MTR: variants seen among roughly 807,000 people sequenced by gnomAD.
MTR encodes methionine synthase.
In MTR, 84 loss-of-function variants were observed where a neutral mutation model predicts 154.8. The ratio of observed to expected loss-of-function variants is 0.54; its 90% CI spans 0.45 to 0.65. The LOEUF (loss-of-function observed/expected upper bound fraction) is 0.65, where lower values mean the gene tolerates loss of function less well. MTR is among the 30% of genes least tolerant of loss of function. The pLI is 0.00. For synonymous variants in MTR, 554 were observed against 553.9 expected (o/e 1.00, Z 0.00); for missense variants, 1,275 against 1,570.2 (o/e 0.81, Z 3.18).
chr1:236,893,215 C>T (rs1666429270), intron 29 of MTR, among the ~76,000 whole-genome samples: 1 of 152,184 alleles, frequency 6.6e-6, no homozygotes, highest in Non-Finnish European at 1.5e-5. Flanking sequence ...AAAACGGCTT[C>T]CCCATGCACA....
rs1661245690 is a variant in MTR, at chr1:236,810,670, A to C, written c.502+75A>C. On this transcript the variant is annotated intron_variant, in intron 5 of 32. Transcript: ENST00000366577. The stretch of plus-strand genomic sequence containing the variant: ...GCTTCAGTAAGCTATAAATCTGTAA[A>C]ATGGAATCAATAACAGGATCTACCT... 4 of 1,226,276 alleles carry C rather than the reference A, an allele frequency of 3.3e-6. 1 individual carries two copies. In the South Asian group the frequency reaches 4.8e-5, roughly 15 times the overall value. The allele number at this position is 1,226,276 out of a possible 1,614,324, so 76.0% of individuals were successfully genotyped here. A position where few individuals can be genotyped will look rare whatever the true frequency, so the allele number is the denominator to read the frequency against.
chr1:236,898,851 A>G lies in MTR; in HGVS notation c.*1207A>G, dbSNP rs1666802447. 6.6e-6 allele frequency: 1 copy of G among 152,174 alleles called. No individual in the cohort carries two copies. The highest frequency in any genetic ancestry group is 1.5e-5 in the Non-Finnish European group (1 of 68,032). The allele number at this position is 152,174 out of a possible 1,614,324, so 9.4% of individuals were successfully genotyped here. ...ATTCCCCTCAATTCTCAATATATTC[A>G]GTAATGAAGAATGGTGCCACCACTC... is the stretch of plus-strand genomic sequence containing the variant. On this transcript the variant is annotated 3_prime_UTR_variant, in exon 33 of 33. Coordinates refer to ENST00000366577, the MANE Select transcript of MTR (RefSeq NM_000254.3).
At chr1:236,883,840 T>C (rs998229158) in intron 25 of MTR, among the ~76,000 whole-genome samples, 4 of 152,226 alleles carry the variant, frequency 2.6e-5, no homozygotes, top group African/African-American at 7.2e-5. Flanking sequence ...GTAGGCACTT[T>C]AGCCGTCATT....
At chr1:236,837,938 A>AT (rs567581267) in intron 14 of MTR, among the ~76,000 whole-genome samples, 67 of 152,282 alleles carry the variant, frequency 4.4e-4, no homozygotes, top group Non-Finnish European at 7.6e-4. Context: ...CCTTTCTAAT[A>AT]TTAAAACTCT....
At chr1:236,801,818 T>A (rs1660715079) in intron 1 of MTR, among the ~76,000 whole-genome samples, 1 of 152,192 alleles carries the variant, frequency 6.6e-6, no homozygotes, top group Non-Finnish European at 1.5e-5. Flanking sequence ...TTGAAGGTGT[T>A]TGAGCAGGGG....
intron 10 of MTR, among the ~76,000 whole-genome samples, chr1:236,826,202 G>T (rs1028965482): frequency 6.6e-6 from 1 of 152,102 alleles, no homozygotes; most frequent in Non-Finnish European, 1.5e-5. Flanking sequence ...TCTATTTTGT[G>T]TTATTTGAAA....
At position 236,886,812 on chromosome 1, in the gene MTR, G is replaced by T. The variant is rs533373801; in HGVS notation, c.2851+445G>T. Among the ~76,000 whole-genome samples, 10 of 152,280 alleles carry T rather than the reference G, an allele frequency of 6.6e-5. No homozygotes were observed. The East Asian group carries it at 7.7e-4, about 12-fold the overall frequency. Reference sequence around the variant, plus strand: ...CCTGGGTGGTACTGTCACCTGAGGTGGCCTGGGTCTTTCGCAGGCCCAGGG... The same window carrying T: ...CCTGGGTGGTACTGTCACCTGAGGTTGCCTGGGTCTTTCGCAGGCCCAGGG... On this transcript the variant is annotated intron_variant, in intron 27 of 32. Coordinates refer to ENST00000366577, the MANE Select transcript of MTR (RefSeq NM_000254.3).
At chr1:236,860,251 G>A (rs556184833) in intron 19 of MTR, among the ~76,000 whole-genome samples, 7 of 152,206 alleles carry the variant, frequency 4.6e-5, no homozygotes, top group African/African-American at 1.2e-4. Context: ...TGTTAGTAGC[G>A]CCGAGGCTGC....
At chr1:236,861,476 G>A (rs573116855) in intron 20 of MTR, among the ~76,000 whole-genome samples, 199 bp downstream of exon 20, 41 of 152,078 alleles carry the variant, frequency 2.7e-4, no homozygotes, top group Non-Finnish European at 4.4e-4. Context: ...TTGGAAATCC[G>A]AAAATTCTTA....
chr1:236,839,220 TTAGA>T (rs1663089032), intron 15 of MTR, among the ~76,000 whole-genome samples: 1 of 152,168 alleles, frequency 6.6e-6, no homozygotes, highest in South Asian at 2.1e-4. Context: ...GAAAATAAAC[TTAGA>T]TTCCCATTTC....
At chr1:236,818,511 T>A (rs1198250929) in intron 8 of MTR, among the ~76,000 whole-genome samples, 1 of 152,236 alleles carries the variant, frequency 6.6e-6, no homozygotes, top group African/African-American at 2.4e-5. Context: ...AACATTCAGT[T>A]CTGACTTTTG....
At chr1:236,890,930 G>T (rs962838233) in intron 28 of MTR, among the ~76,000 whole-genome samples, 1 of 152,170 alleles carries the variant, frequency 6.6e-6, no homozygotes, top group Non-Finnish European at 1.5e-5. Context: ...CAGACTGTGG[G>T]AGCTGCACTT....
chr1:236,897,891 C>G lies in MTR; in HGVS notation c.*247C>G, dbSNP rs529270326. ...AGTGAGCAGGGTTCCTGTGGTTTCC[C>G]TGGTCCCTCTGAGATGGGGACAGAC... is the stretch of plus-strand genomic sequence containing the variant. On this transcript the variant is annotated 3_prime_UTR_variant, in exon 33 of 33. Transcript: ENST00000366577. 5 of 524,440 alleles carry G rather than the reference C, an allele frequency of 9.5e-6. No homozygotes were observed. The highest frequency in any genetic ancestry group is 1.7e-5 in the Non-Finnish European group (5 of 295,162). The allele number at this position is 524,440 out of a possible 1,614,324, so 32.5% of individuals were successfully genotyped here. A position where few individuals can be genotyped will look rare whatever the true frequency, so the allele number is the denominator to read the frequency against.
At chr1:236,799,407 A>G (rs1249393315) in intron 1 of MTR, among the ~76,000 whole-genome samples, 4 of 151,984 alleles carry the variant, frequency 2.6e-5, no homozygotes, top group Non-Finnish European at 5.9e-5. Context: ...ACAAGTGTGA[A>G]CCACCACACC....
At chr1:236,884,774 C>G (rs1314780442) in intron 25 of MTR, among the ~76,000 whole-genome samples, 1 of 152,126 alleles carries the variant, frequency 6.6e-6, no homozygotes, top group East Asian at 1.9e-4. Context: ...TAAGCATGAG[C>G]GAAGGTCCCC....
At chr1:236,854,048 T>G (rs1664062847) in intron 18 of MTR, among the ~76,000 whole-genome samples, 1 of 152,226 alleles carries the variant, frequency 6.6e-6, no homozygotes, top group Non-Finnish European at 1.5e-5. Flanking sequence ...TTGTGTCTCT[T>G]GCCAACTTTG....
chr1:236,808,413 T>C (rs1661107754), intron 3 of MTR, among the ~76,000 whole-genome samples: 1 of 152,226 alleles, frequency 6.6e-6, no homozygotes, highest in Non-Finnish European at 1.5e-5. Context: ...AATATTTAAC[T>C]ACGTAAGTTA....
At chr1:236,823,034 T>G (rs1332863129) in intron 8 of MTR, among the ~76,000 whole-genome samples, 1 of 152,196 alleles carries the variant, frequency 6.6e-6, no homozygotes, top group African/African-American at 2.4e-5. Context: ...ATTTTTTTAA[T>G]GAATGAGTAT....
intron 18 of MTR, 48 bp from the exon 19 acceptor site, chr1:236,859,785 T>G (rs1195778675): frequency 7.0e-7 from 1 of 1,425,148 alleles, no homozygotes; most frequent in South Asian, 1.1e-5. Flanking sequence ...TCAAACAGTT[T>G]GGTTAGTGAT....
Sources: gnomAD v4.1 joint callset for allele counts (sites outside exome capture counted in the v4.1 genomes callset) on GRCh38, gnomAD v4.1.1 for gene constraint, MANE v1.5 for transcripts, NCBI Gene and HGNC (gene_info 2026-07-23, HGNC 2026-07-21) for gene names.